Variants in PPP3CC observed in about 807,000 individuals in gnomAD.
PPP3CC encodes the protein protein phosphatase 3 catalytic subunit gamma.
In PPP3CC, 35 loss-of-function variants were observed where a neutral mutation model predicts 60.3. The observed-to-expected ratio is 0.58, with a 90% CI of 0.44 to 0.77. The LOEUF is 0.77. PPP3CC is among the 30% of genes least tolerant of loss of function. The probability of loss-of-function intolerance (pLI) is 0.00; values close to 1 mark genes in which losing one functional copy is unlikely to be tolerated. For synonymous variants in PPP3CC, 206 were observed against 224.3 expected (o/e 0.92, Z 0.73); for missense variants, 570 against 628.9 (o/e 0.91, Z 1.00).
At chr8:22,464,751 T>C (rs1036470064) in intron 1 of PPP3CC, among the ~76,000 whole-genome samples, 4 of 152,162 alleles carry the variant, frequency 2.6e-5, no homozygotes, top group Admixed American at 2.0e-4. Context: ...TAGACGTAGA[T>C]AGTTGTAGTC....
chr8:22,464,628 C>G (rs1353316284), intron 1 of PPP3CC, among the ~76,000 whole-genome samples: 1 of 152,046 alleles, frequency 6.6e-6, no homozygotes, highest in East Asian at 1.9e-4. Flanking sequence ...GCAATCCACC[C>G]ACCTCAGCCT....
chr8:22,508,988 T>A (rs909766422), intron 4 of PPP3CC, among the ~76,000 whole-genome samples: 5 of 152,212 alleles, frequency 3.3e-5, no homozygotes, highest in African/African-American at 9.7e-5. Flanking sequence ...TTATGCTGAC[T>A]GCTACAACAG....
chr8:22,444,854 T>C (rs1021242681), intron 1 of PPP3CC, among the ~76,000 whole-genome samples: 4 of 151,698 alleles, frequency 2.6e-5, no homozygotes, highest in Non-Finnish European at 1.5e-5. Context: ...GTCTGCTTTA[T>C]TTTTTTTTCT....
chr8:22,467,658 A>G (rs1483468031), intron 1 of PPP3CC, among the ~76,000 whole-genome samples: 2 of 151,944 alleles, frequency 1.3e-5, no homozygotes, highest in Non-Finnish European at 2.9e-5. Context: ...TTTGAACTCG[A>G]CCTTATGATC....
chr8:22,451,020 T>TA lies in PPP3CC; in HGVS notation c.49+9564dup, dbSNP rs200776366. ...CGGCTAATTTTTCTTTTTTTTTTTTTAATAGAGATGGGGTTTCACCGTGTT... is the reference window on the plus strand; with the variant it reads ...CGGCTAATTTTTCTTTTTTTTTTTTTAAATAGAGATGGGGTTTCACCGTGTT... On this transcript the variant is annotated intron_variant, in intron 1 of 13. Transcript: ENST00000240139. 8.0e-3 allele frequency among the ~76,000 whole-genome samples: 1,200 copies of TA among 149,230 alleles called. 14 individuals carry two copies. The highest frequency in any genetic ancestry group is 0.01 in the Middle Eastern group (3 of 294).
At chr8:22,505,085 G>A (rs1279609103) in intron 4 of PPP3CC, among the ~76,000 whole-genome samples, 1 of 142,740 alleles carries the variant, frequency 7.0e-6, no homozygotes, top group Non-Finnish European at 1.5e-5. Context: ...GGAGTGCAGT[G>A]GCACAATCTC....
intron 1 of PPP3CC, among the ~76,000 whole-genome samples, chr8:22,463,170 A>G (rs999135778): frequency 6.6e-6 from 1 of 152,200 alleles, no homozygotes; most frequent in African/African-American, 2.4e-5. Context: ...GGACAAAATC[A>G]TGCAAGTCTG....
intron 8 of PPP3CC, among the ~76,000 whole-genome samples, chr8:22,524,908 G>A (rs1278299202): frequency 6.6e-6 from 1 of 152,150 alleles, no homozygotes; most frequent in South Asian, 2.1e-4. Flanking sequence ...TCAGCACTTT[G>A]GGAGGCCAAG....
intron 8 of PPP3CC, among the ~76,000 whole-genome samples, chr8:22,526,222 G>T (rs1839558767): frequency 6.6e-6 from 1 of 152,142 alleles, no homozygotes; most frequent in Admixed American, 6.5e-5. Flanking sequence ...CTTTAATCAT[G>T]ATTTTTAAAG....
intron 4 of PPP3CC, among the ~76,000 whole-genome samples, chr8:22,504,567 A>G (rs1309905419): frequency 6.6e-6 from 1 of 152,164 alleles, no homozygotes; most frequent in African/African-American, 2.4e-5. Context: ...CAGAGTGCTG[A>G]GATTACAGAT....
Position 22,513,398 on chromosome 8 carries a change from C to G in PPP3CC, c.736C>G (p.His246Asp), listed in dbSNP as rs1212770436. The G allele has an allele frequency of 1.9e-6, 3 of 1,613,466 alleles. No homozygotes were observed. The highest frequency in any genetic ancestry group is 1.7e-6 in the Non-Finnish European group (2 of 1,179,780). Residue 246 changes from histidine (H) to aspartate (D), a missense_variant, in exon 6 of 14, where the codon CAC (histidine) becomes GAC (aspartate). His to Asp is a moderately conservative substitution (Grantham distance 81, BLOSUM62 -1). Transcript: ENST00000240139. ...GNEKTLEHYT[H>D]NTVRGCSYFY... Reference sequence around the variant, plus strand: ...TGAGAAGACCTTGGAGCACTATACCCACAACACTGTCCGAGGGTGCTCTTA... The same window carrying G: ...TGAGAAGACCTTGGAGCACTATACCGACAACACTGTCCGAGGGTGCTCTTA...
chr8:22,493,053 A>G (rs1291732503), intron 3 of PPP3CC: 1 of 1,439,468 alleles, frequency 6.9e-7, no homozygotes, highest in Non-Finnish European at 9.7e-7. Context: ...TCTTGTGGAG[A>G]ATTTTGATGA....
chr8:22,522,564 G>A lies in PPP3CC; in HGVS notation c.844G>A (p.Ala282Thr), dbSNP rs1563775981. Residue 282 changes from alanine (A) to threonine (T), a missense_variant, in exon 7 of 14, where the codon GCT becomes ACT. Physicochemically the swap from Ala to Thr is moderately conservative, Grantham distance 58. Transcript: ENST00000240139. ...TATCAGAGCCCATGAAGCCCAAGAT[G>A]CTGGGTAAGTTACATTAAAATTGTA... ...SIIRAHEAQD[A>T]GYRMYRKSQA... 1.2e-6 allele frequency: 2 copies of A among 1,610,662 alleles called. No individual in the cohort carries two copies. The highest frequency in any genetic ancestry group is 8.5e-7 in the Non-Finnish European group (1 of 1,177,792).
chr8:22,504,512 A>G (rs1478596830), intron 4 of PPP3CC, among the ~76,000 whole-genome samples: 1 of 152,104 alleles, frequency 6.6e-6, no homozygotes, highest in African/African-American at 2.4e-5. Context: ...TATGTTGCCA[A>G]GGCTGAACTT....
At chr8:22,526,334 CTT>C (rs754253731) in intron 8 of PPP3CC, among the ~76,000 whole-genome samples, 68 of 152,292 alleles carry the variant, frequency 4.5e-4, no homozygotes, top group Non-Finnish European at 8.2e-4. Flanking sequence ...CCTCCCACTT[CTT>C]TTTCCTGGGT....
At chr8:22,509,525 G>T (rs1198452293) in intron 4 of PPP3CC, among the ~76,000 whole-genome samples, 2 of 152,120 alleles carry the variant, frequency 1.3e-5, no homozygotes, top group Non-Finnish European at 2.9e-5. Flanking sequence ...GGCCAAGGAA[G>T]AAGAAAATGT....
At chr8:22,496,899 T>G (rs547569916) in intron 3 of PPP3CC, among the ~76,000 whole-genome samples, 1 of 152,308 alleles carries the variant, frequency 6.6e-6, no homozygotes, top group East Asian at 1.9e-4. Flanking sequence ...CATTTAAATT[T>G]TTTCCTTGTA....
intron 4 of PPP3CC, among the ~76,000 whole-genome samples, chr8:22,506,808 G>C (rs1479455018): frequency 6.6e-6 from 1 of 152,058 alleles, no homozygotes; most frequent in Non-Finnish European, 1.5e-5. Flanking sequence ...CGGGTGTGGT[G>C]GTGGGTGCCT....
chr8:22,506,355 G>T (rs1838920727), intron 4 of PPP3CC, among the ~76,000 whole-genome samples: 1 of 152,154 alleles, frequency 6.6e-6, no homozygotes, highest in Admixed American at 6.5e-5. Flanking sequence ...AGTTGTCAGT[G>T]TGCCAGAGTG....
Sources: gnomAD v4.1 joint callset for allele counts (sites outside exome capture counted in the v4.1 genomes callset) on GRCh38, gnomAD v4.1.1 for gene constraint, MANE v1.5 for transcripts, NCBI Gene and HGNC (gene_info 2026-07-23, HGNC 2026-07-21) for gene names.